NAV3: variants seen among roughly 807,000 people sequenced by gnomAD.
NAV3 encodes the protein pore membrane and/or filament interacting like protein 1.
Under a neutral mutation model 244.7 loss-of-function variants are expected in NAV3, and 87 were observed. That is an observed-to-expected ratio of 0.36 (90% confidence interval 0.30 to 0.42). The LOEUF (loss-of-function observed/expected upper bound fraction) is 0.42. Ranked by LOEUF, NAV3 falls within the 20% of genes least tolerant of loss-of-function variation. The pLI is 1.00. For missense variants in NAV3, 2,663 were observed against 2,893.3 expected (o/e 0.92, Z 1.83); for synonymous variants, 1,126 against 1,042.2 (o/e 1.08, Z -1.55).
chr12:77,824,710 T>G (rs1872897558), intron 2 of NAV3, among the ~76,000 whole-genome samples: 1 of 151,864 alleles, frequency 6.6e-6, no homozygotes, highest in African/African-American at 2.4e-5. Flanking sequence ...CTGGCCAATA[T>G]GGTAAAACCC....
chr12:77,778,990 T>G (rs907287636), intron 2 of NAV3, among the ~76,000 whole-genome samples: 7 of 152,232 alleles, frequency 4.6e-5, no homozygotes, highest in African/African-American at 1.7e-4. Flanking sequence ...GGAAAACACA[T>G]TAATGGAATT....
chr12:78,187,408 TA>T (rs763509114), intron 31 of NAV3, among the ~76,000 whole-genome samples: 3 of 152,036 alleles, frequency 2.0e-5, no homozygotes, highest in Non-Finnish European at 2.9e-5. Context: ...ACCAGGATTA[TA>T]ATATGTCAAC....
chr12:78,034,646 A>G (rs1300287360), intron 9 of NAV3, among the ~76,000 whole-genome samples: 2 of 152,242 alleles, frequency 1.3e-5, no homozygotes, highest in Non-Finnish European at 2.9e-5. Flanking sequence ...GTAAGGCTTT[A>G]GGGTATATTA....
At chr12:78,148,144 C>A (rs148175167) in intron 21 of NAV3, among the ~76,000 whole-genome samples, 31 of 152,080 alleles carry the variant, frequency 2.0e-4, no homozygotes, top group African/African-American at 7.5e-4. Flanking sequence ...TAATTAGTTG[C>A]ACCTATCATT....
chr12:77,612,891 G>A (rs1870980045), intron 2 of NAV3, among the ~76,000 whole-genome samples: 1 of 152,040 alleles, frequency 6.6e-6, no homozygotes, highest in South Asian at 2.1e-4. Context: ...TCTCATGACA[G>A]TGAGTGTGTT....
chr12:78,183,135 G>C (rs1422440029), intron 30 of NAV3, among the ~76,000 whole-genome samples: 1 of 151,750 alleles, frequency 6.6e-6, no homozygotes, highest in Non-Finnish European at 1.5e-5. Context: ...TATAGACAGA[G>C]GACCATGACT....
At chr12:77,835,788 G>A (rs1362237939) in intron 1 of NAV3, among the ~76,000 whole-genome samples, 1 of 152,072 alleles carries the variant, frequency 6.6e-6, no homozygotes, top group African/African-American at 2.4e-5. Context: ...AACTTTATTT[G>A]CTTCTCATAT....
At chr12:77,613,431 G>C (rs1175563039) in intron 2 of NAV3, among the ~76,000 whole-genome samples, 5 of 152,148 alleles carry the variant, frequency 3.3e-5, no homozygotes, top group Non-Finnish European at 7.4e-5. Context: ...GTTAGCAGCA[G>C]GGCCAGTGTC....
intron 3 of NAV3, among the ~76,000 whole-genome samples, chr12:77,961,053 T>C: frequency 7.6e-6 from 1 of 132,310 alleles, no homozygotes; most frequent in Admixed American, 7.7e-5. Context: ...TATATGTATA[T>C]GTTGCATGTA....
intron 2 of NAV3, among the ~76,000 whole-genome samples, chr12:77,627,855 T>A (rs1871707676): frequency 6.6e-6 from 1 of 152,188 alleles, no homozygotes; most frequent in African/African-American, 2.4e-5. Context: ...CCATTAAAAG[T>A]CTTTTGCAGC....
chr12:77,634,895 C>G (rs1872087481), intron 2 of NAV3, among the ~76,000 whole-genome samples: 1 of 151,046 alleles, frequency 6.6e-6, no homozygotes, highest in Non-Finnish European at 1.5e-5. Context: ...TATTGTAACT[C>G]TAGCAAGTGT....
chr12:77,642,262 C>T (rs1052377909), intron 2 of NAV3, among the ~76,000 whole-genome samples: 1 of 151,996 alleles, frequency 6.6e-6, no homozygotes, highest in Non-Finnish European at 1.5e-5. Flanking sequence ...CCCAAGAGCT[C>T]AGTGTTTTAA....
At chr12:77,681,068 T>G (rs1457667594) in intron 2 of NAV3, among the ~76,000 whole-genome samples, 1 of 152,194 alleles carries the variant, frequency 6.6e-6, no homozygotes, top group Non-Finnish European at 1.5e-5. Context: ...TACTTAAATT[T>G]GCCTAGTATT....
intron 1 of NAV3, among the ~76,000 whole-genome samples, chr12:77,887,553 A>G (rs1238659834): frequency 6.6e-6 from 1 of 152,152 alleles, no homozygotes; most frequent in Non-Finnish European, 1.5e-5. Context: ...AACAAAGGCA[A>G]TATCTACTTT....
chr12:77,923,808 AAGAG>A (rs1887936585), intron 1 of NAV3, among the ~76,000 whole-genome samples: 1 of 152,138 alleles, frequency 6.6e-6, no homozygotes, highest in South Asian at 2.1e-4. Context: ...CTTCAAAAGG[AAGAG>A]AGGAGTTACT....
At chr12:77,800,829 T>A (rs531566177) in intron 2 of NAV3, among the ~76,000 whole-genome samples, 2 of 152,276 alleles carry the variant, frequency 1.3e-5, no homozygotes, top group South Asian at 2.1e-4. Context: ...CTATGCTTTT[T>A]TTTGAAAGAT....
chr12:77,792,641 C>T (rs115253700), intron 2 of NAV3, among the ~76,000 whole-genome samples: 1,955 of 152,234 alleles, frequency 0.013, 39 homozygotes, highest in African/African-American at 0.045. Flanking sequence ...CAAGTACTCC[C>T]GGAAAATTTT....
chr12:77,613,519 T>G (rs1871015442), intron 2 of NAV3, among the ~76,000 whole-genome samples: 1 of 152,136 alleles, frequency 6.6e-6, no homozygotes, highest in African/African-American at 2.4e-5. Context: ...GAAGTCTGCC[T>G]TCTTGTTTCC....
In NAV3 at chr12:78,044,031, C is replaced by G. The variant is rs149109009; in HGVS notation, c.2024-5962C>G. 8.9e-3 allele frequency among the ~76,000 whole-genome samples: 1,350 copies of G among 152,212 alleles called. 9 individuals carry two copies. The highest frequency in any genetic ancestry group is 0.015 in the Non-Finnish European group (993 of 68,006). ...ATGCCTATGTCCTGAATGGTATTGC[C>G]TAGGTTTTCTTCTAGGGTTTTTATG... On this transcript the variant is annotated intron_variant, in intron 9 of 39. Transcript: ENST00000397909.
Sources: allele counts gnomAD v4.1 joint callset (sites outside exome capture counted in the v4.1 genomes callset), GRCh38; gene constraint gnomAD v4.1.1; transcripts MANE v1.5; gene names NCBI Gene and HGNC (gene_info 2026-07-23, HGNC 2026-07-21).